The following THADA variants were observed in gnomAD, a reference collection of about 807,000 sequenced individuals.
The protein encoded by THADA is THADA armadillo repeat containing.
THADA carries 213 observed loss-of-function variants against 219.8 expected under a neutral mutation model. That is an observed-to-expected ratio of 0.97 (90% confidence interval 0.87 to 1.09). The LOEUF (loss-of-function observed/expected upper bound fraction) is 1.09, where lower values mean the gene tolerates loss of function less well. Ranked by LOEUF, THADA falls within the 50% of genes least tolerant of loss-of-function variation. The pLI is 0.00. For missense variants in THADA, 2,956 were observed against 2,311.3 expected, an observed-to-expected ratio of 1.28 and a Z score of -5.72; for synonymous variants, 1,018 against 828.9, an observed-to-expected ratio of 1.23 and a Z score of -3.92.
rs112945954 is a variant in THADA at position 43,333,962 on chromosome 2, A to C, written c.4343+10160T>G. On this transcript the variant is annotated intron_variant, in intron 30 of 37. Coordinates refer to ENST00000405975, the MANE Select transcript of THADA (RefSeq NM_022065.5). ...GAAGTGTAAGTCTCTTGTGTGAATA[A>C]ATTTGGTGGTGAGAAAATAAATGCT... 9.4e-4 allele frequency among the ~76,000 whole-genome samples: 143 copies of C among 152,298 alleles called. No homozygotes were observed. The Middle Eastern group carries it at 0.01, about 11-fold the overall frequency.
intron 8 of THADA, among the ~76,000 whole-genome samples, chr2:43,580,896 C>A (rs1286703437): frequency 3.3e-5 from 5 of 150,402 alleles, no homozygotes; most frequent in Admixed American, 1.3e-4. Context: ...AAAAAAAAAC[C>A]AAAAAACACA....
chr2:43,467,103 A>C (rs1573793913), intron 26 of THADA, among the ~76,000 whole-genome samples: 1 of 136,342 alleles, frequency 7.3e-6, no homozygotes, highest in Non-Finnish European at 1.5e-5. Flanking sequence ...AATGGCGTGA[A>C]CCCGGGAGGC....
intron 22 of THADA, among the ~76,000 whole-genome samples, chr2:43,523,522 A>C (rs1031790911): frequency 2.0e-5 from 3 of 152,186 alleles, no homozygotes; most frequent in African/African-American, 7.2e-5. Context: ...ATTCTCCAGA[A>C]AGGTAGAAGA....
chr2:43,549,253 CA>C lies in THADA; in HGVS notation c.3062del (p.Leu1021Ter). The C allele has an allele frequency of 6.3e-7, 1 of 1,591,792 alleles. No homozygotes were observed. Among genetic ancestry groups the C allele is most frequent in the Non-Finnish European group, 8.6e-7 (1 of 1,168,536 alleles). On this transcript the variant is annotated frameshift_variant, in exon 20 of 38. Coordinates refer to ENST00000405975, the MANE Select transcript of THADA (RefSeq NM_022065.5). LOFTEE classifies it high-confidence loss of function. ...KEHDSFDMKD[L>X]NASVVNIDTS... ...TATCAATATTCACCACACTAGCATT[CA>C]AGTCCTTCATATCAAAGCTATCATG...
Position 43,242,419 on chromosome 2 carries a change from A to G in THADA, c.5297-9537T>C, listed in dbSNP as rs371808175. Reference sequence around the variant, plus strand: ...ACTTGTTCAAGATCATACAGGATACAGGTTGCAAGTGGTAGGGCCAGATAC... The same window carrying G: ...ACTTGTTCAAGATCATACAGGATACGGGTTGCAAGTGGTAGGGCCAGATAC... On this transcript the variant is annotated intron_variant, in intron 36 of 37. Coordinates refer to ENST00000405975, the MANE Select transcript of THADA (RefSeq NM_022065.5). Among the ~76,000 whole-genome samples the G allele has an allele frequency of 1.4e-4, 22 of 152,354 alleles. No individual in the cohort carries two copies. The East Asian group carries it at 2.9e-3, about 20-fold the overall frequency.
chr2:43,319,553 G>T (rs528896407), intron 31 of THADA, among the ~76,000 whole-genome samples: 3 of 152,266 alleles, frequency 2.0e-5, no homozygotes, highest in African/African-American at 7.2e-5. Context: ...AAATTGGTTT[G>T]AATTTGGGAA....
chr2:43,323,598 G>A (rs1395532702), intron 30 of THADA, among the ~76,000 whole-genome samples: 1 of 152,208 alleles, frequency 6.6e-6, no homozygotes, highest in Non-Finnish European at 1.5e-5. Context: ...TGTCTCCTGT[G>A]CATCCAGCCT....
At chr2:43,293,455 C>A (rs567088037) in intron 31 of THADA, among the ~76,000 whole-genome samples, 1 of 152,022 alleles carries the variant, frequency 6.6e-6, no homozygotes, top group African/African-American at 2.4e-5. Context: ...TTAGAAAATG[C>A]GTTCCTGGCA....
intron 29 of THADA, among the ~76,000 whole-genome samples, chr2:43,376,759 C>G (rs906401774): frequency 1.3e-5 from 2 of 152,274 alleles, no homozygotes; most frequent in South Asian, 4.1e-4. Context: ...AAATCTGTTT[C>G]TTTATGTGAG....
intron 24 of THADA, among the ~76,000 whole-genome samples, chr2:43,501,892 C>T (rs886445278): frequency 4.0e-5 from 6 of 151,836 alleles, no homozygotes; most frequent in South Asian, 4.2e-4. Flanking sequence ...TGCAGTGAGC[C>T]GAGATCACAC....
chr2:43,405,817 G>C (rs779643968), intron 28 of THADA, among the ~76,000 whole-genome samples: 1 of 151,948 alleles, frequency 6.6e-6, no homozygotes, highest in South Asian at 2.1e-4. Context: ...GTTACCTATC[G>C]GGCAGCTCAA....
chr2:43,456,384 T>C (rs1682999391), intron 26 of THADA, among the ~76,000 whole-genome samples: 1 of 152,158 alleles, frequency 6.6e-6, no homozygotes, highest in African/African-American at 2.4e-5. Context: ...GAATAGAATG[T>C]GAAACCATGT....
chr2:43,287,954 G>T (rs1236483275), intron 34 of THADA, among the ~76,000 whole-genome samples: 1 of 152,162 alleles, frequency 6.6e-6, no homozygotes, highest in African/African-American at 2.4e-5. Flanking sequence ...AGGACAAGAT[G>T]GTGGAAGCTG....
At chr2:43,496,657 T>C (rs886716417) in intron 25 of THADA, among the ~76,000 whole-genome samples, 3 of 151,664 alleles carry the variant, frequency 2.0e-5, no homozygotes, top group Admixed American at 2.0e-4. Flanking sequence ...AAGATGGCTA[T>C]TATCAAAAAA....
rs150104217 is a variant in THADA at position 43,253,161 on chromosome 2, G to T, written c.5297-20279C>A. On this transcript the variant is annotated intron_variant, in intron 36 of 37. Coordinates refer to ENST00000405975, the MANE Select transcript of THADA (RefSeq NM_022065.5). ...TAGAAGATGTGGTTTTAGGGCAGGG[G>T]AGTGATGTAAATATTTGTATGAGAA... is the stretch of plus-strand genomic sequence containing the variant. Among the ~76,000 whole-genome samples the T allele has an allele frequency of 2.0e-4, 31 of 152,320 alleles. No homozygotes were observed. The East Asian group carries it at 5.2e-3, about 26-fold the overall frequency.
At chr2:43,415,276 A>T (rs1030135972) in intron 28 of THADA, among the ~76,000 whole-genome samples, 1 of 152,200 alleles carries the variant, frequency 6.6e-6, no homozygotes, top group Admixed American at 6.5e-5. Context: ...CATCTGAGAA[A>T]ATTAAGTGGG....
chr2:43,289,491 T>A (rs1458866484), intron 34 of THADA, among the ~76,000 whole-genome samples: 1 of 152,218 alleles, frequency 6.6e-6, no homozygotes, highest in Non-Finnish European at 1.5e-5. Flanking sequence ...GTTCTGTTAA[T>A]TTTTTTCTCC....
chr2:43,235,837 C>T (rs1339828906), intron 36 of THADA, among the ~76,000 whole-genome samples: 5 of 151,252 alleles, frequency 3.3e-5, no homozygotes, highest in South Asian at 2.1e-4. Context: ...GACAGAGTCT[C>T]GCTCTGTCGC....
chr2:43,319,847 T>A (rs1678488211), intron 31 of THADA, among the ~76,000 whole-genome samples: 2 of 152,142 alleles, frequency 1.3e-5, no homozygotes, highest in African/African-American at 2.4e-5. Flanking sequence ...GCCTCTTATA[T>A]AAACACATCA....
Sources: allele counts gnomAD v4.1 joint callset (sites outside exome capture counted in the v4.1 genomes callset), GRCh38; gene constraint gnomAD v4.1.1; transcripts MANE v1.5; gene names NCBI Gene and HGNC (gene_info 2026-07-23, HGNC 2026-07-21).